Variants in NR2F1-AS1 observed in about 807,000 individuals in gnomAD.
NR2F1-AS1 encodes NR2F1 regulatory antisense RNA 1, also known as NR2F1 antisense RNA 1.
chr5:93,506,849 T>C (rs2149888762), intron 4 of NR2F1-AS1, among the ~76,000 whole-genome samples: 1 of 151,984 alleles, frequency 6.6e-6, no homozygotes, highest in South Asian at 2.1e-4. Flanking sequence ...GTGGCAAAAA[T>C]GGATAAGAAA....
At chr5:93,480,493 T>G (rs1750578071) in intron 4 of NR2F1-AS1, among the ~76,000 whole-genome samples, 1 of 152,120 alleles carries the variant, frequency 6.6e-6, no homozygotes, top group African/African-American at 2.4e-5. Flanking sequence ...ACAAGAAATG[T>G]TAAAGGAATT....
chr5:93,537,140 A>G (rs909067147), intron 4 of NR2F1-AS1, among the ~76,000 whole-genome samples: 10 of 152,202 alleles, frequency 6.6e-5, no homozygotes, highest in Non-Finnish European at 1.3e-4. Flanking sequence ...TACACTCATC[A>G]TGTACAAAAA....
rs577932780 is a variant in NR2F1-AS1, at chr5:93,446,623, C to A, written n.639-51081G>T. ...AATCAATATCGTGAAAATGGCCATACTGCCCAAAGTAATTCATAGATTCAA... is the reference window on the plus strand; with the variant it reads ...AATCAATATCGTGAAAATGGCCATAATGCCCAAAGTAATTCATAGATTCAA... On this transcript the variant is annotated intron_variant and non_coding_transcript_variant, in intron 4 of 5. Transcript: ENST00000660523. 2.6e-5 allele frequency among the ~76,000 whole-genome samples: 4 copies of A among 152,266 alleles called. No individual in the cohort carries two copies. In the East Asian group the frequency reaches 5.8e-4, roughly 22 times the overall value.
chr5:93,571,434 A>G (rs1752765504), intron 1 of NR2F1-AS1: 2 of 148,446 alleles, frequency 1.3e-5, no homozygotes, highest in African/African-American at 5.0e-5. Flanking sequence ...GATCTACAGA[A>G]AGCAGAAGAA....
chr5:93,422,184 C>G (rs905538688), intron 4 of NR2F1-AS1: 1 of 152,158 alleles, frequency 6.6e-6, no homozygotes, highest in African/African-American at 2.4e-5. Context: ...TGCAGAAGAG[C>G]CTTTCAGATT....
chr5:93,493,058 G>T (rs554776675), intron 4 of NR2F1-AS1, among the ~76,000 whole-genome samples: 12 of 152,096 alleles, frequency 7.9e-5, no homozygotes, highest in South Asian at 6.2e-4. Context: ...TCCAGAAAAA[G>T]AAATAAAAGG....
At chr5:93,563,994 C>T (rs997980223) in intron 1 of NR2F1-AS1, among the ~76,000 whole-genome samples, 2 of 150,708 alleles carry the variant, frequency 1.3e-5, no homozygotes, top group Non-Finnish European at 3.0e-5. Flanking sequence ...TCCAGCTACC[C>T]GGGAGGCTGA....
intron 4 of NR2F1-AS1, among the ~76,000 whole-genome samples, chr5:93,419,849 G>C (rs1256758355): frequency 6.6e-6 from 1 of 152,160 alleles, no homozygotes; most frequent in Non-Finnish European, 1.5e-5. Context: ...AAGCCAAGGT[G>C]GAGGAGGTAG....
chr5:93,464,678 C>T (rs1444113300), intron 4 of NR2F1-AS1, among the ~76,000 whole-genome samples: 1 of 152,168 alleles, frequency 6.6e-6, no homozygotes, highest in Non-Finnish European at 1.5e-5. Flanking sequence ...CCCAATAGGG[C>T]CTCTGAGCTT....
At chr5:93,572,039 T>A (rs1752780855) in intron 1 of NR2F1-AS1, among the ~76,000 whole-genome samples, 2 of 152,186 alleles carry the variant, frequency 1.3e-5, no homozygotes, top group South Asian at 4.1e-4. Flanking sequence ...GGTGGGATAG[T>A]GCGCAGGGGT....
intron 1 of NR2F1-AS1, among the ~76,000 whole-genome samples, chr5:93,572,867 G>T (rs1752806453): frequency 6.6e-6 from 1 of 152,222 alleles, no homozygotes; most frequent in Non-Finnish European, 1.5e-5. Flanking sequence ...TCAGGCAGAT[G>T]TTGTTATCTC....
intron 4 of NR2F1-AS1, among the ~76,000 whole-genome samples, chr5:93,486,119 G>A (rs1367256476): frequency 8.7e-6 from 1 of 115,148 alleles, no homozygotes; most frequent in Admixed American, 9.3e-5. Context: ...GTTGTGGGGT[G>A]GGGGGAGGGG....
chr5:93,499,903 A>C (rs1020138671), intron 4 of NR2F1-AS1, among the ~76,000 whole-genome samples: 5 of 152,216 alleles, frequency 3.3e-5, no homozygotes, highest in African/African-American at 1.2e-4. Flanking sequence ...GCATTCCCTT[A>C]AGCCAAAACC....
intron 4 of NR2F1-AS1, among the ~76,000 whole-genome samples, chr5:93,465,230 A>G (rs1750201436): frequency 6.6e-6 from 1 of 152,220 alleles, no homozygotes; most frequent in Non-Finnish European, 1.5e-5. Context: ...ACTTTACAAG[A>G]AAAAAACAAA....
At position 93,543,378 on chromosome 5, in the gene NR2F1-AS1, G is replaced by A. The variant is rs373596926; in HGVS notation, n.638+10383C>T. ...AATGGCATGATTGAAAATATCTCCA[G>A]GGATAGGAAACTACAAAAAAAATGG... On this transcript the variant is annotated intron_variant and non_coding_transcript_variant, in intron 4 of 5. Transcript: ENST00000660523. 4 of 152,090 alleles carry A rather than the reference G, an allele frequency of 2.6e-5. No individual in the cohort carries two copies. In the South Asian group the frequency reaches 8.3e-4, roughly 31 times the overall value. 9.4% of individuals were successfully genotyped at this position (152,090 alleles called of 1,614,324 possible).
intron 4 of NR2F1-AS1, among the ~76,000 whole-genome samples, chr5:93,446,324 C>T (rs1012349854): frequency 4.6e-5 from 7 of 152,200 alleles, no homozygotes; most frequent in Non-Finnish European, 5.9e-5. Flanking sequence ...CCCAAAATCT[C>T]CTTAAGCTGA....
chr5:93,443,363 T>C (rs1457944181), intron 4 of NR2F1-AS1, among the ~76,000 whole-genome samples: 1 of 152,162 alleles, frequency 6.6e-6, no homozygotes, highest in Non-Finnish European at 1.5e-5. Flanking sequence ...AATGACCTGA[T>C]GGAGCTGAAA....
chr5:93,580,947 G>T (rs888902886), upstream of NR2F1-AS1: 1 of 152,280 alleles, frequency 6.6e-6, no homozygotes, highest in Non-Finnish European at 1.5e-5. Flanking sequence ...GAGCTGGAGG[G>T]GCTGTGGGGC....
chr5:93,566,863 T>A (rs531657424), intron 1 of NR2F1-AS1, among the ~76,000 whole-genome samples: 1 of 152,144 alleles, frequency 6.6e-6, no homozygotes, highest in East Asian at 1.9e-4. Flanking sequence ...GAGCAATAAT[T>A]AAAGTAGATA....
Sources: allele counts gnomAD v4.1 joint callset (sites outside exome capture counted in the v4.1 genomes callset), GRCh38; gene constraint gnomAD v4.1.1; transcripts MANE v1.5; gene names NCBI Gene and HGNC (gene_info 2026-07-23, HGNC 2026-07-21).